CNKSR3: variants seen among roughly 807,000 people sequenced by gnomAD.
The protein encoded by CNKSR3 is connector enhancer of kinase suppressor of ras 3.
Under a neutral mutation model 67.7 loss-of-function variants are expected in CNKSR3, and 36 were observed. The ratio of observed to expected loss-of-function variants is 0.53; its 90% CI spans 0.41 to 0.70. The LOEUF (loss-of-function observed/expected upper bound fraction) is 0.70, where lower values mean the gene tolerates loss of function less well. Among genes scored for constraint, CNKSR3 ranks in the 30% least tolerant of loss-of-function variants. CNKSR3 has a pLI of 0.00. For missense variants in CNKSR3, 630 were observed against 695.2 expected, an observed-to-expected ratio of 0.91 and a Z score of 1.05; for synonymous variants, 281 against 271.4, an observed-to-expected ratio of 1.04 and a Z score of -0.35.
In CNKSR3 at chr6:154,406,340, G is replaced by A. The variant is rs1784787498; in HGVS notation, c.*14C>T. Reference sequence around the variant, plus strand: ...GGGGCAGGAGCCAGGCAGGTGGCCTGAGCAGGGTCCCTCTCAGTGAGTCAA... The same window carrying A: ...GGGGCAGGAGCCAGGCAGGTGGCCTAAGCAGGGTCCCTCTCAGTGAGTCAA... On this transcript the variant is annotated 3_prime_UTR_variant, in exon 13 of 13. Transcript: ENST00000607772. 1.9e-6 allele frequency: 3 copies of A among 1,601,960 alleles called. No homozygotes were observed. The highest frequency in any genetic ancestry group is 2.7e-5 in the African/African-American group (2 of 74,654).
intron 1 of CNKSR3, among the ~76,000 whole-genome samples, chr6:154,502,278 GC>G (rs1787014041): frequency 6.6e-6 from 1 of 150,798 alleles, no homozygotes; most frequent in African/African-American, 2.4e-5. Flanking sequence ...TGCAACCTCT[GC>G]CTCCCGGGTT....
chr6:154,419,407 A>C (rs1049881397), intron 9 of CNKSR3, among the ~76,000 whole-genome samples: 3 of 152,222 alleles, frequency 2.0e-5, no homozygotes, highest in African/African-American at 7.2e-5. Context: ...AAAAATGTTC[A>C]GTGTCACTAA....
intron 1 of CNKSR3, among the ~76,000 whole-genome samples, chr6:154,463,180 C>T (rs1330623394): frequency 6.7e-6 from 1 of 149,806 alleles, no homozygotes; most frequent in Admixed American, 6.7e-5. Context: ...GGCACAATCT[C>T]GGCCTCAGCC....
chr6:154,441,739 T>TA lies in CNKSR3; in HGVS notation c.419+348_419+349insT, dbSNP rs1157193114. Among the ~76,000 whole-genome samples, 3,290 of 137,162 alleles carry TA rather than the reference T, an allele frequency of 0.024. 202 individuals are homozygous for TA. The East Asian group carries it at 0.25, about 10-fold the overall frequency. 90.0% of individuals were successfully genotyped at this position (137,162 alleles called of 152,430 possible). Reference sequence around the variant, plus strand: ...TGAATAGAAAGAGAGAAGGAATAGATTAAAAACAAAACAAAACAAAAATTG... The same window carrying TA: ...TGAATAGAAAGAGAGAAGGAATAGATATAAAAACAAAACAAAACAAAAATTG... On this transcript the variant is annotated intron_variant, in intron 3 of 12. Transcript: ENST00000607772.
In CNKSR3 at chr6:154,454,104, C is replaced by CAGAGAGAG. The variant is rs71021054; in HGVS notation, c.53-3854_53-3847dup. ...GAAAACACACACACACACACACACA[C>CAGAGAGAG]AGAGAGAGAGAGAGAGAGAGAGAGA... On this transcript the variant is annotated intron_variant, in intron 1 of 12. Coordinates refer to ENST00000607772, the MANE Select transcript of CNKSR3 (RefSeq NM_173515.4). Among the ~76,000 whole-genome samples, 167 of 116,314 alleles carry CAGAGAGAG rather than the reference C, an allele frequency of 1.4e-3. 3 individuals are homozygous for CAGAGAGAG. Among genetic ancestry groups the CAGAGAGAG allele is most frequent in the Admixed American group, 3.9e-3 (44 of 11,428 alleles). The allele number at this position is 116,314 out of a possible 152,430, so 76.3% of individuals were successfully genotyped here.
At chr6:154,502,327 G>A (rs1002823947) in intron 1 of CNKSR3, among the ~76,000 whole-genome samples, 2 of 151,408 alleles carry the variant, frequency 1.3e-5, no homozygotes, top group Non-Finnish European at 2.9e-5. Context: ...GAGTAGCTGG[G>A]ATTACAGGTG....
chr6:154,482,753 T>C lies in CNKSR3; in HGVS notation c.52+27310A>G, dbSNP rs7775277. ...ATCTTTTCCAACCTATCTAGAGTTC[T>C]GTTGTTTAAATATTCTTTTACAAGA... is the stretch of plus-strand genomic sequence containing the variant. On this transcript the variant is annotated intron_variant, in intron 1 of 12. Coordinates refer to ENST00000607772, the MANE Select transcript of CNKSR3 (RefSeq NM_173515.4). Among the ~76,000 whole-genome samples the C allele has an allele frequency of 9.7e-3, 1,472 of 152,354 alleles. 26 individuals carry two copies. The highest frequency in any genetic ancestry group is 0.034 in the African/African-American group (1,411 of 41,582).
In CNKSR3 at chr6:154,510,266, C is replaced by T; in HGVS notation, c.-152G>A. ...GACTGCATGGCCGCGGTCAGCCAGTCGTCCCAGCGCGGCTCCGCCAGGGGA... is the reference window on the plus strand; with the variant it reads ...GACTGCATGGCCGCGGTCAGCCAGTTGTCCCAGCGCGGCTCCGCCAGGGGA... On this transcript the variant is annotated 5_prime_UTR_variant, in exon 1 of 13. Transcript: ENST00000607772. 1 of 772,260 alleles carries T rather than the reference C, an allele frequency of 1.3e-6. No homozygotes were observed. The highest frequency in any genetic ancestry group is 2.1e-6 in the Non-Finnish European group (1 of 477,930). The allele number at this position is 772,260 out of a possible 1,614,324, so 47.8% of individuals were successfully genotyped here.
At chr6:154,452,822 G>A (rs951011138) in intron 1 of CNKSR3, among the ~76,000 whole-genome samples, 2 of 152,152 alleles carry the variant, frequency 1.3e-5, no homozygotes, top group Non-Finnish European at 2.9e-5. Context: ...GTGAAGACAC[G>A]GAAAAGACGG....
intron 1 of CNKSR3, among the ~76,000 whole-genome samples, chr6:154,501,286 T>C (rs1347757713): frequency 1.3e-5 from 2 of 152,122 alleles, no homozygotes; most frequent in East Asian, 1.9e-4. Flanking sequence ...CCAGCTGGAT[T>C]TCCTGAATTC....
At chr6:154,417,242 G>C (rs530042661) in intron 9 of CNKSR3, among the ~76,000 whole-genome samples, 1 of 152,034 alleles carries the variant, frequency 6.6e-6, no homozygotes, top group Non-Finnish European at 1.5e-5. Context: ...AAACATTTTC[G>C]AATAGTCAAC....
At position 154,403,575 on chromosome 6, in the gene CNKSR3, T is replaced by A. The variant is rs867384298; in HGVS notation, c.*2779A>T. 6.6e-6 allele frequency: 1 copy of A among 152,048 alleles called. No homozygotes were observed. Among genetic ancestry groups the A allele is most frequent in the Admixed American group, 6.6e-5 (1 of 15,264 alleles). The allele number at this position is 152,048 out of a possible 1,614,324, so 9.4% of individuals were successfully genotyped here. A position where few individuals can be genotyped will look rare whatever the true frequency, so the allele number is the denominator to read the frequency against. ...GAAATCCATATTAAACTATTATTTATGTATGTCCATAGTAGAGGTTTACAA... is the reference window on the plus strand; with the variant it reads ...GAAATCCATATTAAACTATTATTTAAGTATGTCCATAGTAGAGGTTTACAA... On this transcript the variant is annotated 3_prime_UTR_variant, in exon 13 of 13. Transcript: ENST00000607772.
intron 10 of CNKSR3, among the ~76,000 whole-genome samples, chr6:154,413,702 G>A (rs1384339365): frequency 6.6e-6 from 1 of 152,074 alleles, no homozygotes; most frequent in Non-Finnish European, 1.5e-5. Context: ...CAAGGCCCCA[G>A]GAGAGCACGT....
chr6:154,505,496 AT>A (rs779033286), intron 1 of CNKSR3, among the ~76,000 whole-genome samples: 15,744 of 137,740 alleles, frequency 0.11, 1,183 homozygotes, highest in African/African-American at 0.24. Flanking sequence ...TATTATTATT[AT>A]TTTTTTTTTT....
In CNKSR3 at chr6:154,396,216, T is replaced by C. The variant is rs1784660184; in HGVS notation, c.*10138A>G. On this transcript the variant is annotated 3_prime_UTR_variant, in exon 13 of 13. Coordinates refer to ENST00000607772, the MANE Select transcript of CNKSR3 (RefSeq NM_173515.4). ...CCTGTACGAGCTTTAAATGAGTTCT[T>C]TGTGGACTTCGGAAAGTGCTTACAT... is the stretch of plus-strand genomic sequence containing the variant. 1.3e-5 allele frequency: 2 copies of C among 152,240 alleles called. No individual in the cohort carries two copies. The highest frequency in any genetic ancestry group is 6.5e-5 in the Admixed American group (1 of 15,282). The allele number at this position is 152,240 out of a possible 1,614,324, so 9.4% of individuals were successfully genotyped here. A position where few individuals can be genotyped will look rare whatever the true frequency, so the allele number is the denominator to read the frequency against.
At chr6:154,422,708 G>A (rs544855750) in intron 8 of CNKSR3, 56 bp from the exon 9 acceptor site, 42 of 1,583,576 alleles carry the variant, frequency 2.7e-5, no homozygotes, top group Admixed American at 2.0e-4. Flanking sequence ...GAAAAAAACC[G>A]AACCTATGAA....
chr6:154,451,075 G>A (rs565169820), intron 1 of CNKSR3, among the ~76,000 whole-genome samples: 1 of 152,278 alleles, frequency 6.6e-6, no homozygotes, highest in East Asian at 1.9e-4. Flanking sequence ...TATAAATACA[G>A]ACTATAAAGG....
chr6:154,426,782 C>T (rs1185966987), intron 7 of CNKSR3, among the ~76,000 whole-genome samples: 2 of 152,220 alleles, frequency 1.3e-5, no homozygotes, highest in African/African-American at 4.8e-5. Context: ...TTGGAAAACA[C>T]ACTGGTCTGG....
rs948790791 is a variant in CNKSR3 at position 154,399,623 on chromosome 6, A to G, written c.*6731T>C. On this transcript the variant is annotated 3_prime_UTR_variant, in exon 13 of 13. Transcript: ENST00000607772. ...GTCAAAGGCTTCTAAATTCGCGCTA[A>G]TTCCTCAAATCCCTCCTCTTATCCT... The G allele has an allele frequency of 6.6e-6, 1 of 152,014 alleles. No individual in the cohort carries two copies. The highest frequency in any genetic ancestry group is 1.5e-5 in the Non-Finnish European group (1 of 68,030). 9.4% of individuals were successfully genotyped at this position (152,014 alleles called of 1,614,324 possible). A position where few individuals can be genotyped will look rare whatever the true frequency, so the allele number is the denominator to read the frequency against.
Sources: gnomAD v4.1 joint callset for allele counts (sites outside exome capture counted in the v4.1 genomes callset) on GRCh38, gnomAD v4.1.1 for gene constraint, MANE v1.5 for transcripts, NCBI Gene and HGNC (gene_info 2026-07-23, HGNC 2026-07-21) for gene names.